The following FRMD4B variants were observed in gnomAD, a reference collection of about 807,000 sequenced individuals.
FRMD4B encodes the protein FERM domain containing 4B.
In FRMD4B, 74 loss-of-function variants were observed where a neutral mutation model predicts 141.5. The observed-to-expected ratio is 0.52, with a 90% CI of 0.43 to 0.63. FRMD4B has a LOEUF of 0.63. Among genes scored for constraint, FRMD4B ranks in the 30% least tolerant of loss-of-function variants. The probability of loss-of-function intolerance (pLI) is 0.00; values close to 1 mark genes in which losing one functional copy is unlikely to be tolerated. For missense variants in FRMD4B, 1,366 were observed against 1,253.4 expected, an observed-to-expected ratio of 1.09 and a Z score of -1.36; for synonymous variants, 506 against 467.9, an observed-to-expected ratio of 1.08 and a Z score of -1.05.
chr3:69,342,235 C>T (rs918545037), intron 1 of FRMD4B, among the ~76,000 whole-genome samples: 1 of 152,148 alleles, frequency 6.6e-6, no homozygotes, highest in African/African-American at 2.4e-5. Flanking sequence ...GAACACTTGA[C>T]CTGAAGGCAA....
At chr3:69,213,524 C>T (rs1379893696) in intron 11 of FRMD4B, among the ~76,000 whole-genome samples, 2 of 152,034 alleles carry the variant, frequency 1.3e-5, no homozygotes, top group African/African-American at 4.8e-5. Context: ...TATACTCCTC[C>T]TGGAAATTAA....
Position 69,225,446 on chromosome 3 carries a change from C to T in FRMD4B, c.582-756G>A, listed in dbSNP as rs913448138. 9.2e-5 allele frequency among the ~76,000 whole-genome samples: 13 copies of T among 141,478 alleles called. 1 individual carries two copies. The highest frequency in any genetic ancestry group is 2.4e-4 in the Admixed American group (3 of 12,722). The allele number at this position is 141,478 out of a possible 152,430, so 92.8% of individuals were successfully genotyped here. A position where few individuals can be genotyped will look rare whatever the true frequency, so the allele number is the denominator to read the frequency against. ...ATCCCAGCACTTTGGGAGGCCAAGG[C>T]GGGCAGATCACAAGGTCAGGAGATT... On this transcript the variant is annotated intron_variant, in intron 7 of 22. Coordinates refer to ENST00000398540, the MANE Select transcript of FRMD4B (RefSeq NM_015123.3).
intron 1 of FRMD4B, among the ~76,000 whole-genome samples, chr3:69,380,836 C>T (rs1367716456): frequency 2.6e-5 from 4 of 152,154 alleles, no homozygotes; most frequent in Non-Finnish European, 5.9e-5. Context: ...GAAGGGAAAA[C>T]CTAATCCCAA....
intron 2 of FRMD4B, among the ~76,000 whole-genome samples, chr3:69,401,849 C>T (rs1704569313): frequency 6.6e-6 from 1 of 152,054 alleles, no homozygotes; most frequent in African/African-American, 2.4e-5. Context: ...CGTGCCTGGC[C>T]GAGAGCACAA....
intron 2 of FRMD4B, among the ~76,000 whole-genome samples, chr3:69,419,815 C>G (rs986504019): frequency 2.0e-5 from 3 of 152,174 alleles, no homozygotes; most frequent in African/African-American, 7.2e-5. Flanking sequence ...AACTTGCAGA[C>G]TGAGATACAG....
intron 20 of FRMD4B, among the ~76,000 whole-genome samples, chr3:69,182,097 C>T (rs893034400): frequency 1.3e-5 from 2 of 152,154 alleles, no homozygotes; most frequent in African/African-American, 2.4e-5. Flanking sequence ...ATGGTACATT[C>T]GAGTGGAGGT....
chr3:69,218,074 G>A (rs957043131), intron 10 of FRMD4B, among the ~76,000 whole-genome samples: 3 of 152,116 alleles, frequency 2.0e-5, no homozygotes, highest in Non-Finnish European at 4.4e-5. Flanking sequence ...TGCTAGAAAG[G>A]TGACCAACTG....
chr3:69,350,699 T>C (rs991835455), intron 1 of FRMD4B, among the ~76,000 whole-genome samples: 14 of 152,040 alleles, frequency 9.2e-5, no homozygotes, highest in African/African-American at 2.9e-4. Context: ...CTGGAAACTA[T>C]CATTCTCAGC....
intron 1 of FRMD4B, among the ~76,000 whole-genome samples, chr3:69,370,170 T>G (rs909927227): frequency 2.0e-5 from 3 of 151,920 alleles, no homozygotes; most frequent in Non-Finnish European, 4.4e-5. Flanking sequence ...GAAGGGCCGT[T>G]CATCCTTTAA....
At chr3:69,432,310 T>C (rs532216444) in intron 2 of FRMD4B, among the ~76,000 whole-genome samples, 28 of 152,338 alleles carry the variant, frequency 1.8e-4, no homozygotes, top group South Asian at 4.1e-4. Context: ...ATAGGAAATA[T>C]GTCTAAGGCA....
rs116165847 is a variant in FRMD4B at position 69,319,066 on chromosome 3, A to C, written c.163-5549T>G. ...TGCTGTGGACCGGGCAAAGTGCTTG[A>C]CATTTAACACTCATTAATGTATAGA... On this transcript the variant is annotated intron_variant, in intron 1 of 22. Transcript: ENST00000398540. Among the ~76,000 whole-genome samples the C allele has an allele frequency of 4.1e-3, 627 of 152,350 alleles. 3 individuals carry two copies. Among genetic ancestry groups the C allele is most frequent in the African/African-American group, 0.014 (581 of 41,580 alleles).
At chr3:69,321,719 AT>A (rs10710995) in intron 1 of FRMD4B, among the ~76,000 whole-genome samples, 121,949 of 150,576 alleles carry the variant, frequency 0.81, 49,893 homozygotes, top group Non-Finnish European at 0.87. Flanking sequence ...TTCACAAATG[AT>A]TTTTTTTTTT....
intron 16 of FRMD4B, 43 bp downstream of exon 16, chr3:69,194,979 C>T (rs923468902): frequency 6.3e-7 from 1 of 1,578,652 alleles, no homozygotes; most frequent in South Asian, 1.1e-5. Context: ...GACAGCTTTC[C>T]TGTCTTATGA....
chr3:69,250,207 T>A, intron 5 of FRMD4B, 108 bp from the exon 6 acceptor site: 2 of 804,126 alleles, frequency 2.5e-6, no homozygotes, highest in Non-Finnish European at 4.5e-6. Context: ...CAGTTTACGA[T>A]CAAATGCAGA....
chr3:69,187,476 T>A (rs1372993492), intron 19 of FRMD4B, among the ~76,000 whole-genome samples: 3 of 149,982 alleles, frequency 2.0e-5, no homozygotes, highest in African/African-American at 7.4e-5. Context: ...GAGGCGGACG[T>A]TGCGGTGAGC....
intron 1 of FRMD4B, among the ~76,000 whole-genome samples, chr3:69,446,516 A>G (rs1328840890): frequency 1.3e-5 from 2 of 152,102 alleles, no homozygotes; most frequent in African/African-American, 4.8e-5. Context: ...CATTTTTAGT[A>G]AAGATGAGGT....
intron 1 of FRMD4B, among the ~76,000 whole-genome samples, chr3:69,476,585 C>T (rs1400222708): frequency 6.6e-6 from 1 of 152,080 alleles, no homozygotes; most frequent in Non-Finnish European, 1.5e-5. Flanking sequence ...GTACCAGTAC[C>T]CTGCTGTTTT....
At chr3:69,423,724 C>T (rs531404645) in intron 2 of FRMD4B, among the ~76,000 whole-genome samples, 1 of 152,122 alleles carries the variant, frequency 6.6e-6, no homozygotes, top group Non-Finnish European at 1.5e-5. Flanking sequence ...CCCCAGAGAG[C>T]TGCCTTACCC....
chr3:69,369,758 A>C (rs1033767090), intron 1 of FRMD4B, among the ~76,000 whole-genome samples: 19 of 152,224 alleles, frequency 1.2e-4, no homozygotes, highest in Non-Finnish European at 1.5e-4. Flanking sequence ...TTTGACAGTT[A>C]AGATTCTTTG....
Sources: gnomAD v4.1 joint callset for allele counts (sites outside exome capture counted in the v4.1 genomes callset) on GRCh38, gnomAD v4.1.1 for gene constraint, MANE v1.5 for transcripts, NCBI Gene and HGNC (gene_info 2026-07-23, HGNC 2026-07-21) for gene names.